Variants in SAMMSON observed in about 807,000 individuals in gnomAD.
SAMMSON encodes the protein survival associated mitochondrial melanoma specific oncogenic non-coding RNA.
At chr3:70,063,353 A>G (rs559491223) in intron 3 of SAMMSON, among the ~76,000 whole-genome samples, 39 of 152,054 alleles carry the variant, frequency 2.6e-4, no homozygotes, top group Non-Finnish European at 5.1e-4. Flanking sequence ...TTCAAATCCC[A>G]TTTCCTGTGA....
At chr3:70,263,873 T>C (rs1314075551) in intron 6 of SAMMSON, among the ~76,000 whole-genome samples, 1 of 152,146 alleles carries the variant, frequency 6.6e-6, no homozygotes, top group African/African-American at 2.4e-5. Flanking sequence ...CTTTGTTTCC[T>C]TTCTCTCGGG....
chr3:70,033,262 T>A (rs1191652191), intron 3 of SAMMSON, among the ~76,000 whole-genome samples: 1 of 152,186 alleles, frequency 6.6e-6, no homozygotes, highest in Non-Finnish European at 1.5e-5. Flanking sequence ...CTACTTCCTA[T>A]AATCATTTCC....
intron 4 of SAMMSON, among the ~76,000 whole-genome samples, chr3:70,171,133 T>TA (rs919495479): frequency 2.0e-5 from 3 of 151,840 alleles, no homozygotes; most frequent in African/African-American, 7.3e-5. Context: ...AAAACACTCT[T>TA]AAAAAAACAC....
intron 4 of SAMMSON, among the ~76,000 whole-genome samples, chr3:70,078,503 A>G (rs1323959258): frequency 6.6e-6 from 1 of 152,100 alleles, no homozygotes; most frequent in Non-Finnish European, 1.5e-5. Context: ...CAGCCTTCAG[A>G]TTCCCCACAT....
At chr3:70,250,427 A>T (rs1004434336) in intron 6 of SAMMSON, among the ~76,000 whole-genome samples, 6 of 147,536 alleles carry the variant, frequency 4.1e-5, no homozygotes, top group Non-Finnish European at 9.1e-5. Flanking sequence ...ACACACACAC[A>T]CACACACACA....
intron 3 of SAMMSON, among the ~76,000 whole-genome samples, chr3:70,051,458 C>T (rs1304551305): frequency 7.0e-6 from 1 of 143,306 alleles, no homozygotes; most frequent in Non-Finnish European, 1.5e-5. Context: ...ATGGCAAAAA[C>T]CACAATTACT....
intron 4 of SAMMSON, among the ~76,000 whole-genome samples, chr3:70,235,284 T>C (rs1474935519): frequency 6.6e-6 from 1 of 152,206 alleles, no homozygotes; most frequent in Non-Finnish European, 1.5e-5. Flanking sequence ...GGATGCATTC[T>C]TAGGTGTACT....
chr3:70,149,914 T>C (rs2067564332), intron 4 of SAMMSON, among the ~76,000 whole-genome samples: 1 of 152,086 alleles, frequency 6.6e-6, no homozygotes, highest in East Asian at 1.9e-4. Flanking sequence ...TCAGCTCTTA[T>C]GTGATTAGCT....
chr3:70,388,389 C>T (rs1443096277), intron 9 of SAMMSON, among the ~76,000 whole-genome samples: 3 of 152,048 alleles, frequency 2.0e-5, no homozygotes, highest in Non-Finnish European at 4.4e-5. Context: ...AAAAAGTTTT[C>T]CAACCCTTCT....
chr3:70,024,834 T>A (rs2067030967), intron 3 of SAMMSON: 1 of 152,160 alleles, frequency 6.6e-6, no homozygotes, highest in South Asian at 2.1e-4. Flanking sequence ...GATCTTAACA[T>A]TGATAGCAAA....
intron 2 of SAMMSON, among the ~76,000 whole-genome samples, chr3:70,428,459 G>A (rs949072291): frequency 6.6e-6 from 1 of 152,070 alleles, no homozygotes; most frequent in African/African-American, 2.4e-5. Flanking sequence ...TTCTGATAAC[G>A]GAGCAAAGAC....
intron 7 of SAMMSON, among the ~76,000 whole-genome samples, chr3:70,313,957 A>G (rs991518580): frequency 6.6e-6 from 1 of 152,060 alleles, no homozygotes; most frequent in East Asian, 1.9e-4. Context: ...CTCCAACCTA[A>G]TTGCATTGTG....
At chr3:70,092,154 G>A (rs2067307096) in intron 4 of SAMMSON, among the ~76,000 whole-genome samples, 1 of 152,056 alleles carries the variant, frequency 6.6e-6, no homozygotes, top group African/African-American at 2.4e-5. Context: ...TATGCGAAGT[G>A]ATACTTGCTT....
chr3:70,241,496 AG>A (rs1399675807), intron 4 of SAMMSON, among the ~76,000 whole-genome samples: 1 of 152,206 alleles, frequency 6.6e-6, no homozygotes, highest in Non-Finnish European at 1.5e-5. Flanking sequence ...GAGGTATGGT[AG>A]GAATTGTTAA....
At chr3:70,298,168 C>T (rs1194245916) in intron 7 of SAMMSON, among the ~76,000 whole-genome samples, 5 of 151,972 alleles carry the variant, frequency 3.3e-5, no homozygotes, top group African/African-American at 1.2e-4. Flanking sequence ...TCTAAATATC[C>T]TTAGGTTTGC....
chr3:70,039,415 A>G (rs1459482995), intron 3 of SAMMSON, among the ~76,000 whole-genome samples: 2 of 151,958 alleles, frequency 1.3e-5, no homozygotes, highest in Admixed American at 6.6e-5. Context: ...TGAAGACTTG[A>G]CTAGAACAAA....
At chr3:70,427,799 G>A (rs1701383798) in intron 2 of SAMMSON, among the ~76,000 whole-genome samples, 1 of 151,446 alleles carries the variant, frequency 6.6e-6, no homozygotes, top group Admixed American at 6.6e-5. Flanking sequence ...GTAATGGCCT[G>A]CCATTGGAAA....
chr3:70,340,843 A>G (rs1208785926), intron 7 of SAMMSON, among the ~76,000 whole-genome samples: 1 of 152,122 alleles, frequency 6.6e-6, no homozygotes, highest in Non-Finnish European at 1.5e-5. Flanking sequence ...AAGAAATCAT[A>G]GTACAACTAC....
Position 70,387,467 on chromosome 3 carries a change from G to T in SAMMSON, n.914-2107G>T, listed in dbSNP as rs1392502529. On this transcript the variant is annotated intron_variant and non_coding_transcript_variant, in intron 9 of 9. Coordinates refer to ENST00000642114, the Ensembl canonical transcript of SAMMSON. ...ATATTTTTGAAATTTAGGCTTAGTT[G>T]CTCTCTTTCCAGATTTTTATTTTTT... is the stretch of plus-strand genomic sequence containing the variant. 1.3e-5 allele frequency among the ~76,000 whole-genome samples: 2 copies of T among 151,998 alleles called. 1 individual carries two copies. The highest frequency in any genetic ancestry group is 1.3e-4 in the Admixed American group (2 of 15,242).
Sources: allele counts gnomAD v4.1 joint callset (sites outside exome capture counted in the v4.1 genomes callset), GRCh38; gene constraint gnomAD v4.1.1; transcripts MANE v1.5; gene names NCBI Gene and HGNC (gene_info 2026-07-23, HGNC 2026-07-21).